Variants in NRXN3 observed in about 807,000 individuals in gnomAD.
The protein encoded by NRXN3 is neurexin III.
In NRXN3, 32 loss-of-function variants were observed where a neutral mutation model predicts 137.6. The ratio of observed to expected loss-of-function variants is 0.23; its 90% CI spans 0.18 to 0.31. The LOEUF is 0.31. Ranked by LOEUF, NRXN3 falls within the 10% of genes least tolerant of loss-of-function variation. The pLI is 1.00. For missense variants in NRXN3, 1,574 were observed against 2,062.5 expected, an observed-to-expected ratio of 0.76 and a Z score of 4.59; for synonymous variants, 798 against 784.5, an observed-to-expected ratio of 1.02 and a Z score of -0.29.
chr14:79,552,363 ACTAT>A (rs1231177866), intron 16 of NRXN3, among the ~76,000 whole-genome samples: 1 of 152,158 alleles, frequency 6.6e-6, no homozygotes, highest in Non-Finnish European at 1.5e-5. Context: ...TAGGGTCCTC[ACTAT>A]CTGTGTGAAT....
intron 15 of NRXN3, among the ~76,000 whole-genome samples, chr14:79,105,167 C>T (rs1347641363): frequency 6.6e-6 from 1 of 152,116 alleles, no homozygotes; most frequent in Non-Finnish European, 1.5e-5. Context: ...AAAAGAATGA[C>T]TTGATCATGG....
intron 15 of NRXN3, among the ~76,000 whole-genome samples, chr14:79,241,617 T>C (rs1034003047): frequency 3.9e-5 from 6 of 152,148 alleles, no homozygotes; most frequent in Non-Finnish European, 8.8e-5. Flanking sequence ...TTATTACAAT[T>C]CAAGGTGAGA....
At chr14:78,363,411 C>T (rs886688318) in intron 4 of NRXN3, among the ~76,000 whole-genome samples, 4 of 152,160 alleles carry the variant, frequency 2.6e-5, no homozygotes, top group African/African-American at 7.2e-5. Context: ...TATTGAGAAC[C>T]TATGACATGC....
At chr14:78,225,027 A>T (rs1199119725) in intron 1 of NRXN3, among the ~76,000 whole-genome samples, 3 of 152,048 alleles carry the variant, frequency 2.0e-5, no homozygotes, top group Non-Finnish European at 4.4e-5. Context: ...CGGCCTCCCA[A>T]AGTGCTGGGA....
Position 78,323,984 on chromosome 14 carries a change from C to T in NRXN3, c.757+26124C>T, listed in dbSNP as rs148517302. Among the ~76,000 whole-genome samples the T allele has an allele frequency of 1.2e-3, 187 of 152,152 alleles. 1 individual carries two copies. Among genetic ancestry groups the T allele is most frequent in the African/African-American group, 4.3e-3 (178 of 41,430 alleles). ...CTTCATGGCCATTATCTCACTTCAT[C>T]CTTGCAACAACACTATGAGCTGGGT... is the stretch of plus-strand genomic sequence containing the variant. On this transcript the variant is annotated intron_variant, in intron 4 of 20. Coordinates refer to ENST00000335750, the MANE Select transcript of NRXN3 (RefSeq NM_001330195.2).
chr14:78,520,008 G>A (rs576910425), intron 4 of NRXN3, among the ~76,000 whole-genome samples: 21 of 152,154 alleles, frequency 1.4e-4, no homozygotes, highest in Non-Finnish European at 2.6e-4. Context: ...GAATAGCAAG[G>A]CTCTTTCAAA....
chr14:79,206,966 A>G (rs965002081), intron 15 of NRXN3, among the ~76,000 whole-genome samples: 23 of 152,106 alleles, frequency 1.5e-4, no homozygotes, highest in African/African-American at 5.3e-4. Context: ...CCCTTTTCCT[A>G]CCGGATCAAG....
chr14:79,048,036 G>T (rs896019848), intron 15 of NRXN3, among the ~76,000 whole-genome samples: 1 of 151,862 alleles, frequency 6.6e-6, no homozygotes, highest in African/African-American at 2.4e-5. Context: ...TCAAGAGTAT[G>T]GATAAACAAA....
At chr14:79,070,910 A>G (rs1460647453) in intron 15 of NRXN3, among the ~76,000 whole-genome samples, 2 of 152,194 alleles carry the variant, frequency 1.3e-5, no homozygotes, top group Non-Finnish European at 2.9e-5. Flanking sequence ...TCTGGGATGG[A>G]GCAAACATGT....
In NRXN3 at chr14:79,486,955, CT is replaced by C. The variant is rs1567258894; in HGVS notation, c.3444+19554del. 4.1e-4 allele frequency among the ~76,000 whole-genome samples: 62 copies of C among 149,876 alleles called. 2 individuals carry two copies. Among genetic ancestry groups the C allele is most frequent in the African/African-American group, 1.5e-3 (59 of 40,360 alleles). ...TCTCTCTCTCTCTCTCTCTCTCTCT[CT>C]CTCTCCCACACACACACACCCCAAG... On this transcript the variant is annotated intron_variant, in intron 16 of 20. Coordinates refer to ENST00000335750, the MANE Select transcript of NRXN3 (RefSeq NM_001330195.2).
intron 15 of NRXN3, among the ~76,000 whole-genome samples, chr14:79,134,414 C>G (rs1455417876): frequency 1.3e-5 from 2 of 152,134 alleles, no homozygotes; most frequent in Non-Finnish European, 2.9e-5. Flanking sequence ...CTAAATATAT[C>G]CTTAGTTCTT....
chr14:78,505,297 G>A (rs2095965857), intron 4 of NRXN3, among the ~76,000 whole-genome samples: 1 of 152,136 alleles, frequency 6.6e-6, no homozygotes, highest in Non-Finnish European at 1.5e-5. Context: ...GACATAAGCA[G>A]CTTCTTGTTT....
intron 16 of NRXN3, among the ~76,000 whole-genome samples, chr14:79,590,988 CATT>C (rs1285970350): frequency 1.3e-5 from 2 of 152,110 alleles, no homozygotes; most frequent in Non-Finnish European, 2.9e-5. Context: ...CTTTTTCTCT[CATT>C]ATAACACAAA....
In NRXN3 at chr14:79,358,660, A is replaced by AGAAAGAAG. The variant is rs1406392983; in HGVS notation, c.3263-108554_3263-108553insGGAAAGAA. On this transcript the variant is annotated intron_variant, in intron 15 of 20. Coordinates refer to ENST00000335750, the MANE Select transcript of NRXN3 (RefSeq NM_001330195.2). ...AAGAAAGAAAGAAAGAAAGAAAGAA[A>AGAAAGAAG]GAAAGAAAGTGTCCTAAAAGAAGTG... is the stretch of plus-strand genomic sequence containing the variant. 5.3e-5 allele frequency among the ~76,000 whole-genome samples: 8 copies of AGAAAGAAG among 150,900 alleles called. No individual in the cohort carries two copies. In the East Asian group the frequency reaches 1.2e-3, roughly 23 times the overall value.
chr14:79,581,407 C>A (rs1390188228), intron 16 of NRXN3, among the ~76,000 whole-genome samples: 1 of 152,122 alleles, frequency 6.6e-6, no homozygotes. Context: ...TTAAATTTCC[C>A]AAGTTCTTAA....
At chr14:79,634,557 C>T (rs115654364) in intron 16 of NRXN3, among the ~76,000 whole-genome samples, 3,098 of 152,214 alleles carry the variant, frequency 0.02, 104 homozygotes, top group African/African-American at 0.069. Context: ...AACTGTAAAA[C>T]TCACAGAAAC....
At chr14:78,234,544 C>T (rs2065912189) in intron 1 of NRXN3, among the ~76,000 whole-genome samples, 1 of 152,172 alleles carries the variant, frequency 6.6e-6, no homozygotes, top group Admixed American at 6.5e-5. Flanking sequence ...GAGCCCATGC[C>T]TTTAACCACT....
chr14:79,641,662 G>A (rs925964198), intron 16 of NRXN3, among the ~76,000 whole-genome samples: 1 of 135,028 alleles, frequency 7.4e-6, no homozygotes, highest in African/African-American at 2.5e-5. Flanking sequence ...AAACTGAAGG[G>A]ACAGTGTCTA....
At chr14:79,151,967 G>A (rs531640723) in intron 15 of NRXN3, among the ~76,000 whole-genome samples, 1 of 152,060 alleles carries the variant, frequency 6.6e-6, no homozygotes, top group South Asian at 2.1e-4. Context: ...AATAAAATAT[G>A]TAAAGTCATT....
Sources: gnomAD v4.1 joint callset for allele counts (sites outside exome capture counted in the v4.1 genomes callset) on GRCh38, gnomAD v4.1.1 for gene constraint, MANE v1.5 for transcripts, NCBI Gene and HGNC (gene_info 2026-07-23, HGNC 2026-07-21) for gene names.